SAP130: variants seen among roughly 807,000 people sequenced by gnomAD.
The protein encoded by SAP130 is histone deacetylase complex subunit SAP130.
In SAP130, 16 loss-of-function variants were observed where a neutral mutation model predicts 103.2. The observed-to-expected ratio is 0.16, with a 90% CI of 0.10 to 0.24. The LOEUF is 0.24. Ranked by LOEUF, SAP130 falls within the 10% of genes least tolerant of loss-of-function variation. The pLI, the probability that SAP130 is intolerant of heterozygous loss-of-function variation, is 1.00. For missense variants in SAP130, 990 were observed against 1,359.7 expected, an observed-to-expected ratio of 0.73 and a Z score of 4.28; for synonymous variants, 477 against 497.0, an observed-to-expected ratio of 0.96 and a Z score of 0.53.
chr2:128,000,760 G>A (rs926729905), intron 7 of SAP130, among the ~76,000 whole-genome samples: 1 of 152,100 alleles, frequency 6.6e-6, no homozygotes, highest in Non-Finnish European at 1.5e-5. Flanking sequence ...CAGGTCAGGT[G>A]CGGTGGCTCA....
At chr2:128,022,459 AC>A (rs1421680533) in intron 2 of SAP130, among the ~76,000 whole-genome samples, 3 of 152,228 alleles carry the variant, frequency 2.0e-5, no homozygotes, top group Non-Finnish European at 4.4e-5. Flanking sequence ...ATTTTCATTT[AC>A]CTTTGATAAA....
chr2:127,979,450 T>C (rs926972305), intron 14 of SAP130, among the ~76,000 whole-genome samples: 3 of 151,940 alleles, frequency 2.0e-5, no homozygotes, highest in Admixed American at 6.6e-5. Flanking sequence ...AGAGGGGGTA[T>C]GGCCCAGAAG....
At chr2:127,982,535 GGAA>G (rs1477368591) in intron 14 of SAP130, among the ~76,000 whole-genome samples, 1 of 152,164 alleles carries the variant, frequency 6.6e-6, no homozygotes, top group African/African-American at 2.4e-5. Context: ...CAGTGAAGAC[GGAA>G]GAAGCCTGGG....
At chr2:128,021,630 AT>A (rs1685171416) in intron 2 of SAP130, among the ~76,000 whole-genome samples, 1 of 152,156 alleles carries the variant, frequency 6.6e-6, no homozygotes, top group Non-Finnish European at 1.5e-5. Flanking sequence ...AAGTTCAATA[AT>A]TTTTTTACAA....
At chr2:128,027,771 C>G (rs1026167188) in intron 1 of SAP130, among the ~76,000 whole-genome samples, 169 bp downstream of exon 1, 2 of 152,090 alleles carry the variant, frequency 1.3e-5, no homozygotes, top group African/African-American at 4.8e-5. Flanking sequence ...CTGTCGCCGG[C>G]CCAACCGCCG....
intron 12 of SAP130, 25 bp downstream of exon 12, chr2:127,993,162 G>A: frequency 6.2e-7 from 1 of 1,612,650 alleles, no homozygotes; most frequent in Non-Finnish European, 8.5e-7. Flanking sequence ...ACTGTGAAAA[G>A]TCATCTAAAA....
Position 128,010,391 on chromosome 2 carries a change from A to G in SAP130, c.747T>C (p.Ser249=). ...CATTGGAGGTGGTCACAGGTGGCCGAGACTACCAAAAGAGAAAAAACAGTT... is the reference window on the plus strand; with the variant it reads ...CATTGGAGGTGGTCACAGGTGGCCGGGACTACCAAAAGAGAAAAAACAGTT... The part of the protein sequence containing the change: ...VQHIIHQPIQ[S]RPPVTTSNAI... The change falls in exon 7 of 21, where the codon TCT becomes TCC. Residue 249 remains serine, a splice_region_variant and synonymous_variant. Transcript: ENST00000643581. 6.2e-7 allele frequency: 1 copy of G among 1,610,426 alleles called. No individual in the cohort carries two copies. The highest frequency in any genetic ancestry group is 8.5e-7 in the Non-Finnish European group (1 of 1,178,724).
At chr2:127,961,965 C>T (rs1276460833) in intron 15 of SAP130, among the ~76,000 whole-genome samples, 1 of 152,186 alleles carries the variant, frequency 6.6e-6, no homozygotes, top group Non-Finnish European at 1.5e-5. Context: ...CAGAGCCCTT[C>T]CAACTCTGGC....
chr2:127,991,486 G>A (rs747800483), intron 12 of SAP130, among the ~76,000 whole-genome samples: 9 of 151,750 alleles, frequency 5.9e-5, no homozygotes, highest in African/African-American at 1.2e-4. Context: ...ACTACAGCAC[G>A]CACCACACCA....
intron 7 of SAP130, 77 bp from the exon 8 acceptor site, chr2:128,000,531 T>G: frequency 6.5e-7 from 1 of 1,533,458 alleles, no homozygotes; most frequent in South Asian, 1.2e-5. Context: ...ATGCAAGTTA[T>G]ACTTTTTCAT....
Position 127,942,677 on chromosome 2 carries a change from T to A in SAP130, c.2902-140A>T. 1 of 620,582 alleles carries A rather than the reference T, an allele frequency of 1.6e-6. No individual in the cohort carries two copies. Among genetic ancestry groups the A allele is most frequent in the South Asian group, 1.9e-5 (1 of 51,664 alleles). 38.4% of individuals were successfully genotyped at this position (620,582 alleles called of 1,614,324 possible). ...TGACAACGTCCTTTCTCCTAAGGAC[T>A]AAGATACTAAGGTTTAAAAACAGTA... is the stretch of plus-strand genomic sequence containing the variant. On this transcript the variant is annotated intron_variant, in intron 19 of 20. Coordinates refer to ENST00000643581, the MANE Select transcript of SAP130 (RefSeq NM_001330301.2). This position sits in a 1 kb window ranked among gnomAD's most constrained non-coding sequence, Gnocchi z 4.8.
rs560061505 is a variant in SAP130, at chr2:128,027,953, C to T, written c.-20G>A. Reference sequence around the variant, plus strand: ...TCCCGCCATTACCTGGGTGCTGCGCCCAGTGGCCGCCGCGCCGCCTTGAGC... The same window carrying T: ...TCCCGCCATTACCTGGGTGCTGCGCTCAGTGGCCGCCGCGCCGCCTTGAGC... On this transcript the variant is annotated 5_prime_UTR_variant, in exon 1 of 21. Coordinates refer to ENST00000643581, the MANE Select transcript of SAP130 (RefSeq NM_001330301.2). 6.1e-6 allele frequency: 6 copies of T among 985,668 alleles called. No individual in the cohort carries two copies. The African/African-American group carries it at 1.0e-4, about 17-fold the overall frequency. The allele number at this position is 985,668 out of a possible 1,614,324, so 61.1% of individuals were successfully genotyped here.
intron 16 of SAP130, among the ~76,000 whole-genome samples, chr2:127,952,921 A>G (rs1467372189): frequency 6.6e-6 from 1 of 152,130 alleles, no homozygotes; most frequent in Non-Finnish European, 1.5e-5. Context: ...TTCATTCCCT[A>G]GGTGATGTGA....
intron 15 of SAP130, among the ~76,000 whole-genome samples, chr2:127,956,702 T>TAAAAAAAA (rs55931869): frequency 9.0e-6 from 1 of 111,268 alleles, no homozygotes. Context: ...TAAAGTATAA[T>TAAAAAAAA]AAAAAAAAAA....
At chr2:128,001,234 G>C (rs1683536819) in intron 7 of SAP130, among the ~76,000 whole-genome samples, 3 of 152,330 alleles carry the variant, frequency 2.0e-5, no homozygotes, top group Admixed American at 1.3e-4. Flanking sequence ...GTATAACAAA[G>C]TTGGCTATTC....
At chr2:127,949,749 G>C in intron 18 of SAP130, 120 bp downstream of exon 18, 1 of 1,060,840 alleles carries the variant, frequency 9.4e-7, no homozygotes, top group Admixed American at 2.5e-5. Context: ...TCAAGATTTT[G>C]TAACAAAAAC....
chr2:127,952,748 T>A (rs1010537209), intron 16 of SAP130, among the ~76,000 whole-genome samples: 1 of 152,132 alleles, frequency 6.6e-6, no homozygotes, highest in African/African-American at 2.4e-5. Flanking sequence ...CTGAAATATT[T>A]TTGTTCTTGC....
intron 14 of SAP130, among the ~76,000 whole-genome samples, chr2:127,980,168 C>T (rs138516201): frequency 2.6e-4 from 40 of 152,186 alleles, no homozygotes; most frequent in African/African-American, 7.7e-4. Context: ...CTTGACCCAC[C>T]GTGCCTGGCC....
At position 128,023,128 on chromosome 2, in the gene SAP130, G is replaced by T. The variant is rs375068779; in HGVS notation, c.112+3053C>A. Among the ~76,000 whole-genome samples the T allele has an allele frequency of 5.3e-5, 8 of 152,082 alleles. No individual in the cohort carries two copies. In the East Asian group the frequency reaches 1.4e-3, roughly 26 times the overall value. On this transcript the variant is annotated intron_variant, in intron 2 of 20. Coordinates refer to ENST00000643581, the MANE Select transcript of SAP130 (RefSeq NM_001330301.2). ...TCCTGCCTCAGCCTCCCGATTAGCCGGGATTACCGGCACCCACCACCACGC... is the reference window on the plus strand; with the variant it reads ...TCCTGCCTCAGCCTCCCGATTAGCCTGGATTACCGGCACCCACCACCACGC...
Sources: gnomAD v4.1 joint callset for allele counts (sites outside exome capture counted in the v4.1 genomes callset) on GRCh38, gnomAD v4.1.1 for gene constraint, Gnocchi (gnomAD v3.1) non-coding constraint, MANE v1.5 for transcripts, NCBI Gene and HGNC (gene_info 2026-07-23, HGNC 2026-07-21) for gene names.